Variants in IQCM observed in about 807,000 individuals in gnomAD.
The protein encoded by IQCM is IQ motif containing M.
A neutral mutation model predicts 57.6 loss-of-function variants in IQCM; 45 were observed. That is an observed-to-expected ratio of 0.78 (90% CI 0.62 to 1.00). IQCM has a LOEUF of 1.00. Ranked by LOEUF, IQCM falls within the 50% of genes least tolerant of loss-of-function variation. The probability of loss-of-function intolerance (pLI) is 0.00; values close to 1 mark genes in which losing one functional copy is unlikely to be tolerated. For synonymous variants in IQCM, 148 were observed against 158.9 expected, an observed-to-expected ratio of 0.93 and a Z score of 0.51; for missense variants, 468 against 511.6, an observed-to-expected ratio of 0.91 and a Z score of 0.82.
chr4:149,777,930 C>CA (rs1001931645), intron 2 of IQCM, among the ~76,000 whole-genome samples: 5 of 149,898 alleles, frequency 3.3e-5, no homozygotes, highest in East Asian at 1.9e-4. Context: ...AAAAACAAAA[C>CA]AAAAAAAAAG....
intron 12 of IQCM, among the ~76,000 whole-genome samples, chr4:149,533,830 T>G (rs1356101189): frequency 1.3e-5 from 2 of 152,044 alleles, no homozygotes; most frequent in Non-Finnish European, 2.9e-5. Context: ...AAGATGAGAT[T>G]TGGGTGGGGA....
intron 7 of IQCM, among the ~76,000 whole-genome samples, chr4:149,626,674 T>C (rs542465760): frequency 6.6e-6 from 1 of 152,206 alleles, no homozygotes; most frequent in African/African-American, 2.4e-5. Flanking sequence ...TCTGGTTCAA[T>C]ATGGTCTGTT....
intron 7 of IQCM, among the ~76,000 whole-genome samples, chr4:149,622,342 C>CT (rs767957507): frequency 0.39 from 54,309 of 138,358 alleles, 10,812 homozygotes; most frequent in South Asian, 0.54. Flanking sequence ...CAGTGGAATT[C>CT]TTTTTTATTT....
intron 10 of IQCM, among the ~76,000 whole-genome samples, chr4:149,555,959 T>C (rs1749540970): frequency 6.6e-6 from 1 of 152,212 alleles, no homozygotes; most frequent in Non-Finnish European, 1.5e-5. Flanking sequence ...GTTAGGAAGT[T>C]GAGCCAGAGA....
intron 2 of IQCM, among the ~76,000 whole-genome samples, chr4:149,775,693 T>C (rs1047710582): frequency 2.0e-5 from 3 of 152,014 alleles, no homozygotes; most frequent in Non-Finnish European, 4.4e-5. Flanking sequence ...AAACATGGCA[T>C]ATTATACAGC....
At chr4:149,436,298 C>T (rs1480530712) in intron 12 of IQCM, among the ~76,000 whole-genome samples, 1 of 152,040 alleles carries the variant, frequency 6.6e-6, no homozygotes, top group African/African-American at 2.4e-5. Flanking sequence ...AAATAAAATG[C>T]CTACACTAAA....
At chr4:149,377,713 A>C (rs956926003) in intron 13 of IQCM, among the ~76,000 whole-genome samples, 41 of 152,176 alleles carry the variant, frequency 2.7e-4, no homozygotes, top group African/African-American at 9.9e-4. Context: ...GTGCTATACT[A>C]GCAAGAGCAA....
intron 7 of IQCM, among the ~76,000 whole-genome samples, chr4:149,681,839 C>T (rs544060822): frequency 1.3e-5 from 2 of 151,216 alleles, no homozygotes; most frequent in Admixed American, 6.6e-5. Context: ...AATAACTCAA[C>T]TGTAAATAAA....
chr4:149,771,227 C>T (rs1770544273), intron 2 of IQCM, among the ~76,000 whole-genome samples: 1 of 152,000 alleles, frequency 6.6e-6, no homozygotes, highest in African/African-American at 2.4e-5. Flanking sequence ...CTCTTAGCAA[C>T]CCCTTTTAAA....
intron 13 of IQCM, among the ~76,000 whole-genome samples, chr4:149,359,057 TG>T (rs1200294823): frequency 3.3e-5 from 5 of 151,950 alleles, no homozygotes; most frequent in African/African-American, 1.2e-4. Flanking sequence ...TTCCATAAGC[TG>T]GGTAGAGAGA....
intron 12 of IQCM, among the ~76,000 whole-genome samples, chr4:149,452,395 G>GA (rs974027433): frequency 7.0e-5 from 10 of 142,382 alleles, no homozygotes; most frequent in East Asian, 2.0e-4. Flanking sequence ...AAATAACTTT[G>GA]AAAAAAAAAA....
At chr4:149,455,848 A>T (rs1392272343) in intron 12 of IQCM, among the ~76,000 whole-genome samples, 5 of 151,486 alleles carry the variant, frequency 3.3e-5, no homozygotes, top group African/African-American at 1.2e-4. Context: ...GGTAGCATGC[A>T]CTTGCTGTCC....
chr4:149,514,790 G>A (rs1744770431), intron 12 of IQCM: 1 of 152,240 alleles, frequency 6.6e-6, no homozygotes, highest in Admixed American at 6.5e-5. Flanking sequence ...GGCTGGGAAA[G>A]GCAGATTCAC....
At chr4:149,743,288 C>T (rs1209432688) in intron 2 of IQCM, among the ~76,000 whole-genome samples, 2 of 152,000 alleles carry the variant, frequency 1.3e-5, no homozygotes, top group African/African-American at 4.8e-5. Context: ...TCCTACCTGC[C>T]CTCAAAGCCT....
At chr4:149,481,701 G>GTTTTTTTTTTTTTTGTTTTGTTTTT (rs1740834894) in intron 12 of IQCM, among the ~76,000 whole-genome samples, 2 of 51,550 alleles carry the variant, frequency 3.9e-5, no homozygotes, top group African/African-American at 1.5e-4. Context: ...TTCCAGTTTT[G>GTTTTTTTTTTTTTTGTTTTGTTTTT]TTTTTTTTTT....
chr4:149,798,043 T>G (rs1404405107), intron 2 of IQCM, among the ~76,000 whole-genome samples: 1 of 151,964 alleles, frequency 6.6e-6, no homozygotes, highest in Non-Finnish European at 1.5e-5. Context: ...ACACAGGATA[T>G]TACAACACTG....
intron 5 of IQCM, among the ~76,000 whole-genome samples, chr4:149,705,237 T>C (rs996405029): frequency 6.8e-6 from 1 of 147,284 alleles, no homozygotes; most frequent in East Asian, 2.0e-4. Context: ...TCCTACTGTT[T>C]CTTTTTATAT....
intron 12 of IQCM, among the ~76,000 whole-genome samples, chr4:149,461,361 C>T (rs1206279388): frequency 1.3e-5 from 2 of 151,610 alleles, no homozygotes; most frequent in East Asian, 3.9e-4. Flanking sequence ...GTTATGATAT[C>T]AATAATTATT....
chr4:149,469,051 A>T (rs1739200576), intron 12 of IQCM, among the ~76,000 whole-genome samples: 1 of 152,222 alleles, frequency 6.6e-6, no homozygotes, highest in African/African-American at 2.4e-5. Flanking sequence ...TGGAAACTCT[A>T]AAAATCAGAT....
Sources: allele counts gnomAD v4.1 joint callset (sites outside exome capture counted in the v4.1 genomes callset), GRCh38; gene constraint gnomAD v4.1.1; transcripts MANE v1.5; gene names NCBI Gene and HGNC (gene_info 2026-07-23, HGNC 2026-07-21).